The following CORO2B variants were observed in gnomAD, a reference collection of about 807,000 sequenced individuals.
The protein encoded by CORO2B is coronin 2B.
CORO2B carries 26 observed loss-of-function variants against 58.8 expected under a neutral mutation model. The ratio of observed to expected loss-of-function variants is 0.44; its 90% CI spans 0.32 to 0.61. The LOEUF (loss-of-function observed/expected upper bound fraction) is 0.61, where lower values mean the gene tolerates loss of function less well. CORO2B is among the 20% of genes least tolerant of loss of function. CORO2B has a pLI of 0.04. For synonymous variants in CORO2B, 242 were observed against 253.8 expected (o/e 0.95, Z 0.44); for missense variants, 460 against 645.1 (o/e 0.71, Z 3.11).
intron 2 of CORO2B, among the ~76,000 whole-genome samples, chr15:68,654,196 C>T (rs931419926): frequency 5.9e-5 from 9 of 152,194 alleles, no homozygotes; most frequent in Non-Finnish European, 4.4e-5. Flanking sequence ...AAAGTGAAGG[C>T]GAGCCCTTCT....
At chr15:68,556,006 G>T in the CORO2B span, among the ~76,000 whole-genome samples, 2 of 152,172 alleles carry the variant, frequency 1.3e-5, no homozygotes, top group African/African-American at 4.8e-5. Context: ...AGAGGAGCTG[G>T]GTTCAGAGAA....
At chr15:68,600,798 T>C (rs1899961965) in intron 1 of CORO2B, among the ~76,000 whole-genome samples, 1 of 152,222 alleles carries the variant, frequency 6.6e-6, no homozygotes, top group African/African-American at 2.4e-5. Flanking sequence ...TCCAGCTTCC[T>C]GGCCCTTGAG....
Position 68,619,835 on chromosome 15 carries a change from T to A in CORO2B, c.16-25325T>A, listed in dbSNP as rs574491831. 3.0e-4 allele frequency among the ~76,000 whole-genome samples: 45 copies of A among 152,314 alleles called. 1 individual carries two copies. In the Middle Eastern group the frequency reaches 0.037, roughly 127 times the overall value. On this transcript the variant is annotated intron_variant, in intron 1 of 11. Transcript: ENST00000261861. The stretch of plus-strand genomic sequence containing the variant: ...AGATAAACTCTAGGTCTTTCCTTGC[T>A]GTGTTCTCTCCTTTTTGGGTGGACA...
the CORO2B span, among the ~76,000 whole-genome samples, chr15:68,528,689 G>GTTTTTTTTTTTTTTTTTTTTGT: frequency 8.5e-6 from 1 of 118,020 alleles, no homozygotes; most frequent in Non-Finnish European, 1.8e-5. Flanking sequence ...TTTTCTGAGT[G>GTTTTTTTTTTTTTTTTTTTTGT]TTTTTTTTTT....
At chr15:68,628,983 A>G (rs1566989416) in intron 1 of CORO2B, among the ~76,000 whole-genome samples, 1 of 152,220 alleles carries the variant, frequency 6.6e-6, no homozygotes, top group Non-Finnish European at 1.5e-5. Flanking sequence ...TTGCCTCCAG[A>G]TGGGGCAGGG....
intron 1 of CORO2B, among the ~76,000 whole-genome samples, chr15:68,633,989 T>C (rs1900945139): frequency 6.6e-6 from 1 of 152,244 alleles, no homozygotes; most frequent in Non-Finnish European, 1.5e-5. Context: ...CCGGTTATCC[T>C]GAGAGTCGGT....
In CORO2B at chr15:68,725,489, T is replaced by G. The variant is rs903043500; in HGVS notation, c.1312-354T>G. Among the ~76,000 whole-genome samples the G allele has an allele frequency of 3.9e-5, 6 of 152,182 alleles. No individual in the cohort carries two copies. In the East Asian group the frequency reaches 1.2e-3, roughly 29 times the overall value. ...TTATGTATTATTATAGATGTAATAA[T>G]ACATCTATTAATACAATGGTAAAGA... On this transcript the variant is annotated intron_variant, in intron 11 of 11. Coordinates refer to ENST00000261861, the MANE Select transcript of CORO2B (RefSeq NM_006091.5).
the CORO2B span, among the ~76,000 whole-genome samples, chr15:68,525,852 T>A: frequency 6.6e-6 from 1 of 152,172 alleles, no homozygotes; most frequent in East Asian, 1.9e-4. Context: ...ATGTACAACA[T>A]CAAAATCAAG....
chr15:68,693,382 G>T (rs1892432404), intron 2 of CORO2B, among the ~76,000 whole-genome samples: 1 of 152,312 alleles, frequency 6.6e-6, no homozygotes, highest in East Asian at 1.9e-4. Context: ...GGCAGAAATT[G>T]GTTCTCCTCC....
rs543090235 is a variant in CORO2B, at chr15:68,681,290, G to A, written c.217-13850G>A. Reference sequence around the variant, plus strand: ...CACAAGATGTGAAGTGCACTAAATCGTCTCAGTGGGAGCAGGAGTTGGGGC... The same window carrying A: ...CACAAGATGTGAAGTGCACTAAATCATCTCAGTGGGAGCAGGAGTTGGGGC... On this transcript the variant is annotated intron_variant, in intron 2 of 11. Coordinates refer to ENST00000261861, the MANE Select transcript of CORO2B (RefSeq NM_006091.5). Among the ~76,000 whole-genome samples the A allele has an allele frequency of 9.7e-4, 147 of 152,166 alleles. 1 individual carries two copies. The highest frequency in any genetic ancestry group is 1.8e-3 in the Non-Finnish European group (122 of 68,012).
chr15:68,709,355 G>T (rs1892856217), intron 3 of CORO2B, among the ~76,000 whole-genome samples: 1 of 150,170 alleles, frequency 6.7e-6, no homozygotes, highest in Non-Finnish European at 1.5e-5. Flanking sequence ...TTTTTTGGTT[G>T]GCTATTTTAG....
At chr15:68,582,960 C>A (rs1899466173) in intron 1 of CORO2B, among the ~76,000 whole-genome samples, 1 of 152,174 alleles carries the variant, frequency 6.6e-6, no homozygotes, top group South Asian at 2.1e-4. Flanking sequence ...GCCTGCTGCA[C>A]CTTAGAAGGC....
At chr15:68,648,968 A>T (rs903785871) in intron 2 of CORO2B, among the ~76,000 whole-genome samples, 2 of 152,246 alleles carry the variant, frequency 1.3e-5, no homozygotes, top group Non-Finnish European at 2.9e-5. Context: ...AGCATTTTTT[A>T]GTACTCGATT....
chr15:68,686,043 T>C (rs1902964776), intron 2 of CORO2B, among the ~76,000 whole-genome samples: 1 of 149,434 alleles, frequency 6.7e-6, no homozygotes, highest in African/African-American at 2.5e-5. Context: ...TTTTTCTTTT[T>C]TTTTTTTTTT....
intron 2 of CORO2B, among the ~76,000 whole-genome samples, chr15:68,656,955 C>T: frequency 6.6e-6 from 1 of 152,146 alleles, no homozygotes; most frequent in East Asian, 1.9e-4. Flanking sequence ...CTCTGATGCA[C>T]CCTCCCCACC....
chr15:68,540,674 G>A, the CORO2B span, among the ~76,000 whole-genome samples: 1 of 152,102 alleles, frequency 6.6e-6, no homozygotes, highest in Non-Finnish European at 1.5e-5. Context: ...GTACTTAAGG[G>A]TCAATATTTA....
intron 2 of CORO2B, among the ~76,000 whole-genome samples, chr15:68,652,133 A>G (rs1901662504): frequency 6.6e-6 from 1 of 151,980 alleles, no homozygotes; most frequent in South Asian, 2.1e-4. Context: ...TCTTTCCACC[A>G]CCCATGATGC....
At chr15:68,630,632 G>C (rs1158617184) in intron 1 of CORO2B, among the ~76,000 whole-genome samples, 1 of 152,166 alleles carries the variant, frequency 6.6e-6, no homozygotes, top group South Asian at 2.1e-4. Context: ...TAGGCTGCGA[G>C]TAACAAAGAA....
chr15:68,581,802 T>G (rs1188737720), intron 1 of CORO2B, among the ~76,000 whole-genome samples: 1 of 151,906 alleles, frequency 6.6e-6, no homozygotes, highest in Non-Finnish European at 1.5e-5. Context: ...GGGGAGGAAA[T>G]GGGTTCGAGA....
Sources: allele counts gnomAD v4.1 joint callset (sites outside exome capture counted in the v4.1 genomes callset), GRCh38; gene constraint gnomAD v4.1.1; transcripts MANE v1.5; gene names NCBI Gene and HGNC (gene_info 2026-07-23, HGNC 2026-07-21).